Variants in SNTG1 observed in about 807,000 individuals in gnomAD.
The protein encoded by SNTG1 is gamma-1-syntrophin.
SNTG1 carries 39 observed loss-of-function variants against 74.7 expected under a neutral mutation model. The ratio of observed to expected loss-of-function variants is 0.52; its 90% CI spans 0.40 to 0.68. SNTG1 has a LOEUF of 0.68. Among genes scored for constraint, SNTG1 ranks in the 30% least tolerant of loss-of-function variants. The pLI is 0.00. For missense variants in SNTG1, 685 were observed against 609.5 expected (o/e 1.12, Z -1.30); for synonymous variants, 254 against 217.1 (o/e 1.17, Z -1.49).
intron 11 of SNTG1, among the ~76,000 whole-genome samples, chr8:50,537,609 A>T (rs1446337036): frequency 6.6e-6 from 1 of 152,146 alleles, no homozygotes; most frequent in African/African-American, 2.4e-5. Context: ...ACTTGTATGT[A>T]TACTTTATGA....
chr8:49,938,557 G>GTTTTCTTTTCTTTTC lies in SNTG1; in HGVS notation c.-103+26365_-103+26379dup, dbSNP rs1417018491. Among the ~76,000 whole-genome samples, 940 of 127,098 alleles carry GTTTTCTTTTCTTTTC rather than the reference G, an allele frequency of 7.4e-3. 32 individuals are homozygous for GTTTTCTTTTCTTTTC. Among genetic ancestry groups the GTTTTCTTTTCTTTTC allele is most frequent in the Middle Eastern group, 0.021 (5 of 236 alleles). 83.4% of individuals were successfully genotyped at this position (127,098 alleles called of 152,430 possible). On this transcript the variant is annotated intron_variant, in intron 1 of 18. Transcript: ENST00000642720. ...ATCTTACCATGCCTTCTTTTCTTTT[G>GTTTTCTTTTCTTTTC]TTTTCTTTTCTTTTCTTTTCTTTTC...
chr8:50,703,969 C>G (rs1217565926), intron 15 of SNTG1, among the ~76,000 whole-genome samples: 1 of 152,002 alleles, frequency 6.6e-6, no homozygotes, highest in Admixed American at 6.6e-5. Flanking sequence ...TTTTTTTTCT[C>G]ATGTTAATGT....
At chr8:50,009,913 T>C (rs1481213544) in intron 1 of SNTG1, among the ~76,000 whole-genome samples, 1 of 152,146 alleles carries the variant, frequency 6.6e-6, no homozygotes, top group East Asian at 1.9e-4. Flanking sequence ...GCAGAATTCC[T>C]TGAAACCAGG....
chr8:50,561,722 AT>A (rs1161324120), intron 12 of SNTG1, among the ~76,000 whole-genome samples: 1 of 152,172 alleles, frequency 6.6e-6, no homozygotes, highest in African/African-American at 2.4e-5. Context: ...AAAATAATAG[AT>A]TACGGAATCA....
At chr8:50,558,438 A>T (rs965433825) in intron 12 of SNTG1, among the ~76,000 whole-genome samples, 1 of 152,228 alleles carries the variant, frequency 6.6e-6, no homozygotes, top group African/African-American at 2.4e-5. Context: ...GCTGGGAGAT[A>T]AAGGAAGCAA....
chr8:50,436,657 C>CT (rs2093306820), intron 4 of SNTG1, among the ~76,000 whole-genome samples: 1 of 152,116 alleles, frequency 6.6e-6, no homozygotes, highest in Admixed American at 6.6e-5. Flanking sequence ...GGCACATTGT[C>CT]TAACTTCAAT....
intron 15 of SNTG1, among the ~76,000 whole-genome samples, chr8:50,692,656 C>T (rs1165801764): frequency 6.6e-5 from 10 of 152,278 alleles, no homozygotes; most frequent in Non-Finnish European, 1.5e-4. Context: ...ATCGGTCCAA[C>T]CCTACTGGGG....
intron 4 of SNTG1, among the ~76,000 whole-genome samples, chr8:50,422,622 G>A (rs112007400): frequency 6.7e-6 from 1 of 148,494 alleles, no homozygotes; most frequent in Non-Finnish European, 1.5e-5. Flanking sequence ...AGGTTGGGGG[G>A]AAGGGGTGAG....
chr8:50,317,053 A>G (rs752269646), intron 2 of SNTG1, among the ~76,000 whole-genome samples: 49 of 152,196 alleles, frequency 3.2e-4, no homozygotes, highest in Non-Finnish European at 6.6e-4. Context: ...CTGAAGCCCA[A>G]GATAAATGGG....
intron 2 of SNTG1, among the ~76,000 whole-genome samples, chr8:50,173,271 T>A (rs2082875061): frequency 6.6e-6 from 1 of 152,154 alleles, no homozygotes; most frequent in African/African-American, 2.4e-5. Context: ...TAGGAAGGAA[T>A]CATACACTAT....
At chr8:50,341,031 G>T (rs2091301008) in intron 2 of SNTG1, among the ~76,000 whole-genome samples, 1 of 151,870 alleles carries the variant, frequency 6.6e-6, no homozygotes, top group Admixed American at 6.6e-5. Flanking sequence ...TGAAAACAAA[G>T]AGGTTAAGAT....
chr8:50,684,740 C>CTTTTTTTTTTTTTTT, intron 15 of SNTG1, among the ~76,000 whole-genome samples: 1 of 135,126 alleles, frequency 7.4e-6, no homozygotes, highest in Non-Finnish European at 1.6e-5. Context: ...TTTTTTTTTT[C>CTTTTTTTTTTTTTTT]TTTTTTTTTA....
At chr8:50,673,812 T>A (rs1354186721) in intron 15 of SNTG1, among the ~76,000 whole-genome samples, 1 of 152,152 alleles carries the variant, frequency 6.6e-6, no homozygotes, top group Admixed American at 6.6e-5. Flanking sequence ...CTGTTGTGGG[T>A]TTGTCACAAA....
chr8:50,716,771 C>T (rs1471252058), intron 17 of SNTG1, among the ~76,000 whole-genome samples: 2 of 149,600 alleles, frequency 1.3e-5, no homozygotes, highest in Admixed American at 6.7e-5. Context: ...CTCACACTGT[C>T]GCCCAGGCTG....
At chr8:50,312,612 A>G (rs1162926724) in intron 2 of SNTG1, among the ~76,000 whole-genome samples, 1 of 149,838 alleles carries the variant, frequency 6.7e-6, no homozygotes, top group Non-Finnish European at 1.5e-5. Flanking sequence ...TTCTACGATT[A>G]TGAAAAATTT....
In SNTG1 at chr8:50,780,682, C is replaced by G. The variant is rs4873160; in HGVS notation, c.1396-11989C>G. ...CCTGGATTCTTTAATTTTTTGAAGG[C>G]TTTTTTGTGTCTCTATTTCCTTCAG... On this transcript the variant is annotated intron_variant, in intron 18 of 18. Transcript: ENST00000642720. Among the ~76,000 whole-genome samples, 818 of 151,908 alleles carry G rather than the reference C, an allele frequency of 5.4e-3. 29 individuals are homozygous for G. Among genetic ancestry groups the G allele is most frequent in the Admixed American group, 0.049 (745 of 15,244 alleles).
chr8:50,722,177 T>C (rs967263963), intron 17 of SNTG1, among the ~76,000 whole-genome samples: 2 of 151,858 alleles, frequency 1.3e-5, no homozygotes, highest in Non-Finnish European at 2.9e-5. Context: ...TATGTGTGTG[T>C]GTACATATAT....
intron 1 of SNTG1, among the ~76,000 whole-genome samples, chr8:50,103,990 A>T (rs1586286964): frequency 6.6e-6 from 1 of 152,238 alleles, no homozygotes; most frequent in East Asian, 1.9e-4. Flanking sequence ...TTTTTGCATC[A>T]ATGTTCATCA....
intron 15 of SNTG1, 69 bp from the exon 16 acceptor site, chr8:50,704,531 G>A (rs753438685): frequency 6.2e-7 from 1 of 1,604,512 alleles, no homozygotes; most frequent in Non-Finnish European, 8.5e-7. Context: ...CCTTGGTCCA[G>A]TCAGGAATGG....
Sources: gnomAD v4.1 joint callset for allele counts (sites outside exome capture counted in the v4.1 genomes callset) on GRCh38, gnomAD v4.1.1 for gene constraint, MANE v1.5 for transcripts, NCBI Gene and HGNC (gene_info 2026-07-23, HGNC 2026-07-21) for gene names.